Variants in NOPCHAP1 observed in about 807,000 individuals in gnomAD.
The protein encoded by NOPCHAP1 is DNA damage-sensitive RNA 1.
Under a neutral mutation model 14.0 loss-of-function variants are expected in NOPCHAP1, and 13 were observed. The observed-to-expected ratio is 0.93, with a 90% confidence interval of 0.60 to 1.47. The LOEUF is 1.47. NOPCHAP1 is among the 40% of genes most tolerant of loss of function. The pLI, the probability that NOPCHAP1 is intolerant of heterozygous loss-of-function variation, is 0.00. For missense variants in NOPCHAP1, 230 were observed against 226.9 expected, an observed-to-expected ratio of 1.01 and a Z score of -0.09; for synonymous variants, 78 against 78.4, an observed-to-expected ratio of 1.00 and a Z score of 0.03.
rs1158836212 is a variant in NOPCHAP1, at chr12:105,013,985, CGAG to C, written c.*19290_*19292del. 6.6e-6 allele frequency: 1 copy of C among 152,196 alleles called. No homozygotes were observed. 9.4% of individuals were successfully genotyped at this position (152,196 alleles called of 1,614,324 possible). On this transcript the variant is annotated 3_prime_UTR_variant, in exon 4 of 4. Transcript: ENST00000552951. ...CTATTTGGCCATCTTGCCAGCCAGC[CGAG>C]AGATCACTTTTTACTGTGATAGGCA...
intron 2 of NOPCHAP1, 67 bp downstream of exon 2, chr12:104,988,320 G>T: frequency 3.9e-6 from 5 of 1,266,900 alleles, no homozygotes; most frequent in Non-Finnish European, 5.6e-6. Context: ...CTGTGGGACG[G>T]TCTCTGCCTT....
rs1472231195 is a variant in NOPCHAP1 at position 105,015,440 on chromosome 12, T to C, written c.*20744T>C. 4 of 152,244 alleles carry C rather than the reference T, an allele frequency of 2.6e-5. No individual in the cohort carries two copies. Among genetic ancestry groups the C allele is most frequent in the Non-Finnish European group, 5.9e-5 (4 of 68,052 alleles). The allele number at this position is 152,244 out of a possible 1,614,324, so 9.4% of individuals were successfully genotyped here. A position where few individuals can be genotyped will look rare whatever the true frequency, so the allele number is the denominator to read the frequency against. On this transcript the variant is annotated 3_prime_UTR_variant, in exon 4 of 4. Coordinates refer to ENST00000552951, the MANE Select transcript of NOPCHAP1 (RefSeq NM_152318.3). ...GGTTCCAGGCAGGAGAATATGAAGA[T>C]GTAATTTCAAGTACAGTTGTTATTG...
At position 104,999,923 on chromosome 12, in the gene NOPCHAP1, TC is replaced by T. The variant is rs1036713177; in HGVS notation, c.*5230del. The T allele has an allele frequency of 5.3e-5, 8 of 152,210 alleles. No homozygotes were observed. The highest frequency in any genetic ancestry group is 1.9e-4 in the African/African-American group (8 of 41,426). The allele number at this position is 152,210 out of a possible 1,614,324, so 9.4% of individuals were successfully genotyped here. A position where few individuals can be genotyped will look rare whatever the true frequency, so the allele number is the denominator to read the frequency against. On this transcript the variant is annotated 3_prime_UTR_variant, in exon 4 of 4. Coordinates refer to ENST00000552951, the MANE Select transcript of NOPCHAP1 (RefSeq NM_152318.3). Reference sequence around the variant, plus strand: ...TTCCCTTCATCCACTCTCAGTGCCCTCCCTCTGAAGATCTGCTGGGAGTGCA... The same window carrying T: ...TTCCCTTCATCCACTCTCAGTGCCCTCCTCTGAAGATCTGCTGGGAGTGCA...
chr12:105,011,387 G>A lies in NOPCHAP1; in HGVS notation c.*16691G>A, dbSNP rs545604166. On this transcript the variant is annotated 3_prime_UTR_variant, in exon 4 of 4. Transcript: ENST00000552951. ...TATGTGTGTCTTTGCACATGAGATG[G>A]GTCTCCTGAATACAGCACACTGATG... 2.6e-5 allele frequency: 4 copies of A among 151,980 alleles called. No individual in the cohort carries two copies. Among genetic ancestry groups the A allele is most frequent in the Non-Finnish European group, 5.9e-5 (4 of 67,994 alleles). The allele number at this position is 151,980 out of a possible 1,614,324, so 9.4% of individuals were successfully genotyped here.
At chr12:104,991,597 AG>A (rs1238873045) in intron 2 of NOPCHAP1, 114 bp from the exon 3 acceptor site, 1 of 1,087,790 alleles carries the variant, frequency 9.2e-7, no homozygotes, top group African/African-American at 1.6e-5. Flanking sequence ...GGGAACTAAA[AG>A]ATATGTAATT....
intron 2 of NOPCHAP1, among the ~76,000 whole-genome samples, chr12:104,988,979 A>G (rs574293396): frequency 6.6e-6 from 1 of 151,882 alleles, no homozygotes; most frequent in African/African-American, 2.4e-5. Flanking sequence ...CATACCTAGG[A>G]GTGGAATTGC....
chr12:105,013,288 A>G lies in NOPCHAP1; in HGVS notation c.*18592A>G, dbSNP rs1202742830. ...GGCTTTATTTACACTGTGAGGAGAA[A>G]ACTGCCTACTCAAGCCTCAGTCGTG... is the stretch of plus-strand genomic sequence containing the variant. On this transcript the variant is annotated 3_prime_UTR_variant, in exon 4 of 4. Transcript: ENST00000552951. 3 of 152,328 alleles carry G rather than the reference A, an allele frequency of 2.0e-5. No individual in the cohort carries two copies. The highest frequency in any genetic ancestry group is 1.3e-4 in the Admixed American group (2 of 15,298). 9.4% of individuals were successfully genotyped at this position (152,328 alleles called of 1,614,324 possible).
intron 1 of NOPCHAP1, among the ~76,000 whole-genome samples, chr12:104,987,916 G>A (rs1249427714): frequency 6.6e-6 from 1 of 152,236 alleles, no homozygotes; most frequent in East Asian, 1.9e-4. Flanking sequence ...GAAAAGTGCA[G>A]ATTGGTGTGC....
At chr12:104,990,435 G>A (rs1053794895) in intron 2 of NOPCHAP1, among the ~76,000 whole-genome samples, 7 of 152,188 alleles carry the variant, frequency 4.6e-5, no homozygotes, top group Non-Finnish European at 7.3e-5. Context: ...ATCTGAAGGG[G>A]AATGAGAGCT....
intron 3 of NOPCHAP1, among the ~76,000 whole-genome samples, chr12:104,993,829 G>A (rs932612586): frequency 6.6e-6 from 1 of 152,122 alleles, no homozygotes; most frequent in Non-Finnish European, 1.5e-5. Context: ...TCACCAAAGC[G>A]AGGGGTTTGT....
rs549940314 is a variant in NOPCHAP1, at chr12:104,986,832, G to T, written c.115+365G>T. Among the ~76,000 whole-genome samples the T allele has an allele frequency of 3.3e-5, 5 of 151,934 alleles. No individual in the cohort carries two copies. In the East Asian group the frequency reaches 9.9e-4, roughly 30 times the overall value. ...TTTGGCTGCCTGGGTCGGAGCAGTT[G>T]GCTGATAGGGGGAAGCGGAGTAATA... is the stretch of plus-strand genomic sequence containing the variant. On this transcript the variant is annotated intron_variant, in intron 1 of 3. Coordinates refer to ENST00000552951, the MANE Select transcript of NOPCHAP1 (RefSeq NM_152318.3).
At position 105,005,794 on chromosome 12, in the gene NOPCHAP1, C is replaced by T. The variant is rs1873696362; in HGVS notation, c.*11098C>T. The T allele has an allele frequency of 6.6e-6, 1 of 152,170 alleles. No individual in the cohort carries two copies. Among genetic ancestry groups the T allele is most frequent in the Admixed American group, 6.5e-5 (1 of 15,280 alleles). The allele number at this position is 152,170 out of a possible 1,614,324, so 9.4% of individuals were successfully genotyped here. Reference sequence around the variant, plus strand: ...TCTCTAAAAATATGTCTATACAGTACCAATCTTCTACCATTTGCTTTAGTT... The same window carrying T: ...TCTCTAAAAATATGTCTATACAGTATCAATCTTCTACCATTTGCTTTAGTT... On this transcript the variant is annotated 3_prime_UTR_variant, in exon 4 of 4. Coordinates refer to ENST00000552951, the MANE Select transcript of NOPCHAP1 (RefSeq NM_152318.3).
At position 104,995,974 on chromosome 12, in the gene NOPCHAP1, C is replaced by T. The variant is rs2032224729; in HGVS notation, c.*1278C>T. 2.6e-5 allele frequency: 4 copies of T among 152,188 alleles called. No individual in the cohort carries two copies. Among genetic ancestry groups the T allele is most frequent in the Admixed American group, 2.6e-4 (4 of 15,272 alleles). 9.4% of individuals were successfully genotyped at this position (152,188 alleles called of 1,614,324 possible). A position where few individuals can be genotyped will look rare whatever the true frequency, so the allele number is the denominator to read the frequency against. Reference sequence around the variant, plus strand: ...AAGTGTTGGGATTACAGGCATGAGCCACCGTGCCCGGCTGGAAACTAGCTT... The same window carrying T: ...AAGTGTTGGGATTACAGGCATGAGCTACCGTGCCCGGCTGGAAACTAGCTT... On this transcript the variant is annotated 3_prime_UTR_variant, in exon 4 of 4. Coordinates refer to ENST00000552951, the MANE Select transcript of NOPCHAP1 (RefSeq NM_152318.3).
chr12:104,991,575 T>G (rs1592748082), intron 2 of NOPCHAP1, 137 bp from the exon 3 acceptor site: 2 of 838,116 alleles, frequency 2.4e-6, no homozygotes, highest in Non-Finnish European at 1.7e-6. Context: ...GGATGGAGGG[T>G]TTTTAAATGA....
rs1435423055 is a variant in NOPCHAP1, at chr12:104,986,418, A to C, written c.66A>C (p.Gly22=). ...CGTCGCCCACCCGGGATTCCTCAGG[A>C]GTCCCAGTGTCCAAGGAGCTGCTGA... The part of the protein sequence containing the change: ...SCSSPTRDSS[G]VPVSKELLTA... The change falls in exon 1 of 4, where the codon GGA becomes GGC. Residue 22 remains glycine, a synonymous_variant. Coordinates refer to ENST00000552951, the MANE Select transcript of NOPCHAP1 (RefSeq NM_152318.3). The C allele has an allele frequency of 6.2e-7, 1 of 1,611,734 alleles. No homozygotes were observed. The highest frequency in any genetic ancestry group is 1.1e-5 in the South Asian group (1 of 90,500).
In NOPCHAP1 at chr12:104,995,507, C is replaced by T. The variant is rs1873481005; in HGVS notation, c.*811C>T. ...AGGCTGCATGATATCCCATTAAGTGCTTTTGTTAAATGCTTTCAGAGGGTG... is the reference window on the plus strand; with the variant it reads ...AGGCTGCATGATATCCCATTAAGTGTTTTTGTTAAATGCTTTCAGAGGGTG... On this transcript the variant is annotated 3_prime_UTR_variant, in exon 4 of 4. Transcript: ENST00000552951. 2.0e-5 allele frequency: 3 copies of T among 152,130 alleles called. No homozygotes were observed. The highest frequency in any genetic ancestry group is 2.0e-4 in the Admixed American group (3 of 15,270). 9.4% of individuals were successfully genotyped at this position (152,130 alleles called of 1,614,324 possible). A position where few individuals can be genotyped will look rare whatever the true frequency, so the allele number is the denominator to read the frequency against.
At chr12:104,989,256 C>T (rs945942412) in intron 2 of NOPCHAP1, among the ~76,000 whole-genome samples, 2 of 152,126 alleles carry the variant, frequency 1.3e-5, no homozygotes, top group Non-Finnish European at 2.9e-5. Flanking sequence ...ATCTTAAACA[C>T]ATTTAAAAAA....
rs576371084 is a variant in NOPCHAP1 at position 104,990,461 on chromosome 12, G to A, written c.203-1251G>A. ...AATGAGAGCTAACATTCACTATTACGTCGGGCTTTATTTGTGTGCATGCTC... is the reference window on the plus strand; with the variant it reads ...AATGAGAGCTAACATTCACTATTACATCGGGCTTTATTTGTGTGCATGCTC... On this transcript the variant is annotated intron_variant, in intron 2 of 3. Transcript: ENST00000552951. Among the ~76,000 whole-genome samples, 8 of 152,228 alleles carry A rather than the reference G, an allele frequency of 5.3e-5. No homozygotes were observed. In the East Asian group the frequency reaches 7.7e-4, roughly 15 times the overall value.
Position 104,988,340 on chromosome 12 carries a change from G to C in NOPCHAP1, c.202+87G>C. The C allele has an allele frequency of 5.8e-6, 6 of 1,032,760 alleles. No individual in the cohort carries two copies. The South Asian group carries it at 9.0e-5, about 15-fold the overall frequency. 64.0% of individuals were successfully genotyped at this position (1,032,760 alleles called of 1,614,324 possible). ...GGACGGTCTCTGCCTTCATTGTCAG[G>C]TATCAAACCACAGATAGTCCAGTGG... On this transcript the variant is annotated intron_variant, in intron 2 of 3. Transcript: ENST00000552951.
Sources: allele counts gnomAD v4.1 joint callset (sites outside exome capture counted in the v4.1 genomes callset), GRCh38; gene constraint gnomAD v4.1.1; transcripts MANE v1.5; gene names NCBI Gene and HGNC (gene_info 2026-07-23, HGNC 2026-07-21).